RECK: variants seen among roughly 807,000 people sequenced by gnomAD.
RECK encodes reversion inducing cysteine rich protein with kazal motifs.
A neutral mutation model predicts 115.1 loss-of-function variants in RECK; 69 were observed. That is an observed-to-expected ratio of 0.60 (90% CI 0.49 to 0.73). The LOEUF (loss-of-function observed/expected upper bound fraction) is 0.73, where lower values mean the gene tolerates loss of function less well. Ranked by LOEUF, RECK falls within the 30% of genes least tolerant of loss-of-function variation. RECK has a pLI of 0.00. For synonymous variants in RECK, 414 were observed against 419.7 expected (o/e 0.99, Z 0.17); for missense variants, 1,047 against 1,203.7 (o/e 0.87, Z 1.93).
chr9:36,111,980 G>A (rs561072368), intron 15 of RECK, among the ~76,000 whole-genome samples: 139 of 151,472 alleles, frequency 9.2e-4, no homozygotes, highest in African/African-American at 3.2e-3. Context: ...AAAATTAGCT[G>A]GGCGTGGTGG....
At chr9:36,057,112 G>T (rs1821558837) in intron 2 of RECK, 3 of 695,530 alleles carry the variant, frequency 4.3e-6, no homozygotes, top group Non-Finnish European at 5.3e-6. Context: ...GAGCCATTTG[G>T]CTTGGTGAGT....
intron 15 of RECK, among the ~76,000 whole-genome samples, chr9:36,110,468 G>A (rs1269142120): frequency 2.0e-5 from 3 of 152,118 alleles, no homozygotes; most frequent in Non-Finnish European, 4.4e-5. Flanking sequence ...GCCTACCTTA[G>A]CTTACTTCTT....
rs1357716468 is a variant in RECK, at chr9:36,117,110, T to C, written c.2186T>C (p.Met729Thr). ...VQDPVCDTDH[M>T]EHNNLCTLYQ... Reference sequence around the variant, plus strand: ...GATCCTGTTTGTGACACAGACCACATGGAGCACAACAATCTCTGCACTTTA... The same window carrying C: ...GATCCTGTTTGTGACACAGACCACACGGAGCACAACAATCTCTGCACTTTA... The change falls in exon 17 of 21, where the codon ATG (methionine) becomes ACG (threonine). Residue 729 changes from methionine (M) to threonine (T), a missense_variant. Physicochemically the swap from Met to Thr is moderately conservative, Grantham distance 81 (BLOSUM62 -1). Coordinates refer to ENST00000377966, the MANE Select transcript of RECK (RefSeq NM_021111.3). 1 of 1,614,162 alleles carries C rather than the reference T, an allele frequency of 6.2e-7. No homozygotes were observed. The highest frequency in any genetic ancestry group is 1.1e-5 in the South Asian group (1 of 91,086).
intron 3 of RECK, among the ~76,000 whole-genome samples, chr9:36,059,455 C>CA (rs35689662): frequency 7.5e-4 from 97 of 129,172 alleles, no homozygotes; most frequent in Non-Finnish European, 9.5e-4. Flanking sequence ...GACTCCGTCT[C>CA]AAAAAAAAAA....
At chr9:36,107,598 C>T (rs1040984136) in intron 13 of RECK, among the ~76,000 whole-genome samples, 3 of 145,542 alleles carry the variant, frequency 2.1e-5, no homozygotes, top group Non-Finnish European at 3.0e-5. Context: ...GAGCAAGACT[C>T]CGTCTCAAAA....
At chr9:36,096,062 C>T (rs1009880051) in intron 10 of RECK, among the ~76,000 whole-genome samples, 1 of 139,216 alleles carries the variant, frequency 7.2e-6, no homozygotes, top group African/African-American at 2.6e-5. Flanking sequence ...GAATGAAACT[C>T]CATCTCAAAA....
chr9:36,051,641 T>A (rs1462409803), intron 1 of RECK, among the ~76,000 whole-genome samples: 1 of 152,228 alleles, frequency 6.6e-6, no homozygotes, highest in Admixed American at 6.5e-5. Flanking sequence ...CTCTTTCCTT[T>A]CTTTCCATAT....
rs1564141599 is a variant in RECK at position 36,122,992 on chromosome 9, C to T, written c.2863C>T (p.Leu955Phe). The T allele has an allele frequency of 4.3e-6, 7 of 1,614,148 alleles. No individual in the cohort carries two copies. In the South Asian group the frequency reaches 6.6e-5, roughly 15 times the overall value. The change falls in exon 21 of 21, where the codon CTC becomes TTC. Residue 955 changes from leucine (L) to phenylalanine (F), a missense_variant. Transcript: ENST00000377966. ...VRARPSCHSL[L>F]LPLSLGLALH... ...GGCCAGGCCTTCTTGCCACTCCCTCCTCCTTCCCCTCAGCTTGGGCCTTGC... is the reference window on the plus strand; with the variant it reads ...GGCCAGGCCTTCTTGCCACTCCCTCTTCCTTCCCCTCAGCTTGGGCCTTGC...
At chr9:36,066,437 A>T (rs1822002082) in intron 6 of RECK, among the ~76,000 whole-genome samples, 1 of 151,176 alleles carries the variant, frequency 6.6e-6, no homozygotes, top group Non-Finnish European at 1.5e-5. Flanking sequence ...AGGTAGAATA[A>T]CTCTCTTAAC....
intron 4 of RECK, among the ~76,000 whole-genome samples, chr9:36,062,973 A>G (rs1361140682): frequency 1.3e-5 from 2 of 151,978 alleles, no homozygotes. Flanking sequence ...CATCTCTACT[A>G]AAAATACAAA....
chr9:36,116,320 G>A (rs1246847323), intron 16 of RECK, among the ~76,000 whole-genome samples: 1 of 151,996 alleles, frequency 6.6e-6, no homozygotes, highest in African/African-American at 2.4e-5. Context: ...TAGAGATGGG[G>A]TTTCTCCATG....
Position 36,116,138 on chromosome 9 carries a change from T to C in RECK, c.2061-847T>C, listed in dbSNP as rs1024287684. On this transcript the variant is annotated intron_variant, in intron 16 of 20. Transcript: ENST00000377966. The stretch of plus-strand genomic sequence containing the variant: ...AAAGAGTGAGGCCTTTTTTTTTTTT[T>C]TTTTTTTTAGACAGAGTTTTGCTCT... Among the ~76,000 whole-genome samples the C allele has an allele frequency of 2.0e-5, 3 of 151,482 alleles. No homozygotes were observed. In the East Asian group the frequency reaches 5.8e-4, roughly 29 times the overall value.
chr9:36,036,954 G>T lies in RECK; in HGVS notation c.-45G>T. 6 of 1,303,690 alleles carry T rather than the reference G, an allele frequency of 4.6e-6. No homozygotes were observed. Among genetic ancestry groups the T allele is most frequent in the South Asian group, 1.8e-5 (1 of 56,138 alleles). 80.8% of individuals were successfully genotyped at this position (1,303,690 alleles called of 1,614,324 possible). ...TAGCGGCGGCAGCGGCTGCGGCCAAGCTGGGTCCGAGCATCCCGCGGCTCT... is the reference window on the plus strand; with the variant it reads ...TAGCGGCGGCAGCGGCTGCGGCCAATCTGGGTCCGAGCATCCCGCGGCTCT... On this transcript the variant is annotated 5_prime_UTR_variant, in exon 1 of 21. Coordinates refer to ENST00000377966, the MANE Select transcript of RECK (RefSeq NM_021111.3).
intron 1 of RECK, among the ~76,000 whole-genome samples, chr9:36,037,763 T>G (rs932430233): frequency 6.6e-6 from 1 of 151,764 alleles, no homozygotes; most frequent in Non-Finnish European, 1.5e-5. Context: ...GTCCAAAAGC[T>G]CTCTCGGTAG....
Position 36,089,979 on chromosome 9 carries a change from CA to C in RECK, c.906-1184del, listed in dbSNP as rs1823101380. Among the ~76,000 whole-genome samples, 4 of 147,534 alleles carry C rather than the reference CA, an allele frequency of 2.7e-5. No homozygotes were observed. In the South Asian group the frequency reaches 8.4e-4, roughly 31 times the overall value. On this transcript the variant is annotated intron_variant, in intron 9 of 20. Transcript: ENST00000377966. ...TCTCTACTAAAAATACACACACACACACACACACACACACACACACACACAA... is the reference window on the plus strand; with the variant it reads ...TCTCTACTAAAAATACACACACACACCACACACACACACACACACACACAA...
At chr9:36,049,073 G>A (rs940083357) in intron 1 of RECK, among the ~76,000 whole-genome samples, 2 of 152,088 alleles carry the variant, frequency 1.3e-5, no homozygotes, top group African/African-American at 4.8e-5. Flanking sequence ...TACAATTCAG[G>A]AGGACCAGTC....
At chr9:36,072,027 T>C (rs1822249421) in intron 6 of RECK, among the ~76,000 whole-genome samples, 1 of 152,206 alleles carries the variant, frequency 6.6e-6, no homozygotes, top group Non-Finnish European at 1.5e-5. Context: ...ATTTTCTGCA[T>C]ATAAAAGTAA....
At position 36,123,114 on chromosome 9, in the gene RECK, C is replaced by G. The variant is rs1461083777; in HGVS notation, c.*69C>G. ...GCCTTGAAAAAGACATTCAGGACTG[C>G]TGGTTTGTAGTTGAATATTGGCCAA... On this transcript the variant is annotated 3_prime_UTR_variant, in exon 21 of 21. Transcript: ENST00000377966. 1 of 1,277,094 alleles carries G rather than the reference C, an allele frequency of 7.8e-7. No homozygotes were observed. The highest frequency in any genetic ancestry group is 1.1e-6 in the Non-Finnish European group (1 of 908,894). 79.1% of individuals were successfully genotyped at this position (1,277,094 alleles called of 1,614,324 possible).
chr9:36,065,228 T>TAAAAAAAAA lies in RECK; in HGVS notation c.358-330_358-322dup, dbSNP rs561725701. Among the ~76,000 whole-genome samples the TAAAAAAAAA allele has an allele frequency of 9.3e-3, 468 of 50,550 alleles. 50 individuals carry two copies. Among genetic ancestry groups the TAAAAAAAAA allele is most frequent in the Middle Eastern group, 0.021 (1 of 48 alleles). 33.2% of individuals were successfully genotyped at this position (50,550 alleles called of 152,430 possible). On this transcript the variant is annotated intron_variant, in intron 5 of 20. Transcript: ENST00000377966. ...AATTTGCTACAGAGTGGAATTCAGC[T>TAAAAAAAAA]AAAAAAAAAAAAAAAAAAAAAAAAA... is the stretch of plus-strand genomic sequence containing the variant.
Sources: gnomAD v4.1 joint callset for allele counts (sites outside exome capture counted in the v4.1 genomes callset) on GRCh38, gnomAD v4.1.1 for gene constraint, MANE v1.5 for transcripts, NCBI Gene and HGNC (gene_info 2026-07-23, HGNC 2026-07-21) for gene names.